The following REXO1 variants were observed in gnomAD, a reference collection of about 807,000 sequenced individuals.
REXO1 encodes REX1, RNA exonuclease 1 homolog.
REXO1 carries 42 observed loss-of-function variants against 102.6 expected under a neutral mutation model. The observed-to-expected ratio is 0.41, with a 90% CI of 0.32 to 0.53. REXO1 has a LOEUF of 0.53. Among genes scored for constraint, REXO1 ranks in the 20% least tolerant of loss-of-function variants. The pLI is 0.27. For missense variants in REXO1, 1,819 were observed against 1,732.5 expected, an observed-to-expected ratio of 1.05 and a Z score of -0.89; for synonymous variants, 908 against 779.1, an observed-to-expected ratio of 1.17 and a Z score of -2.76.
rs544889589 is a variant in REXO1, at chr19:1,816,808, G to A, written c.3207C>T (p.Tyr1069=). 573 of 1,611,568 alleles carry A rather than the reference G, an allele frequency of 3.6e-4. 7 individuals are homozygous for A. In the South Asian group the frequency reaches 5.9e-3, roughly 17 times the overall value. The stretch of plus-strand genomic sequence containing the variant: ...GCGTCAGCTCCAGGCCATATGTGGT[G>A]TAGGACTGCGGGCAAGGGATGCACC... The part of the protein sequence containing the change: ...GIYALDCEMS[Y]TTYGLELTRV... Residue 1069 remains tyrosine, a synonymous_variant, in exon 13 of 16, where the codon TAC becomes TAT. Coordinates refer to ENST00000170168, the MANE Select transcript of REXO1 (RefSeq NM_020695.4).
chr19:1,834,372 C>T (rs1402619612), intron 1 of REXO1, among the ~76,000 whole-genome samples: 1 of 152,122 alleles, frequency 6.6e-6, no homozygotes, highest in South Asian at 2.1e-4. Flanking sequence ...TGATAAGGGT[C>T]CAATCTGGGG....
At chr19:1,821,046 CAAAA>C (rs1408492763) in intron 5 of REXO1, among the ~76,000 whole-genome samples, 1 of 147,580 alleles carries the variant, frequency 6.8e-6, no homozygotes, top group African/African-American at 2.5e-5. Flanking sequence ...CAAGACAAAA[CAAAA>C]AAACACCGCC....
Position 1,815,960 on chromosome 19 carries a change from C to G in REXO1, c.*106G>C. 6.5e-7 allele frequency: 1 copy of G among 1,535,376 alleles called. No individual in the cohort carries two copies. Among genetic ancestry groups the G allele is most frequent in the Non-Finnish European group, 8.7e-7 (1 of 1,146,604 alleles). On this transcript the variant is annotated 3_prime_UTR_variant, in exon 16 of 16. Transcript: ENST00000170168. The surrounding 1 kb of genome is among the most constrained non-coding windows in gnomAD (Gnocchi z 4.0). ...CTCATCCCGCTGCTCTGGGCTGCCT[C>G]GGCCAGGTGGACGGGTTACCGGAGA...
rs112933999 is a variant in REXO1 at position 1,825,481 on chromosome 19, A to ACTTC, written c.2016+357_2016+358insGAAG. ...CAAAGCAAGACCCCCTTTTTTTATA[A>ACTTC]TTTTTTTTTTTTGAGACAGAGTCTT... On this transcript the variant is annotated intron_variant, in intron 3 of 15. Coordinates refer to ENST00000170168, the MANE Select transcript of REXO1 (RefSeq NM_020695.4). Among the ~76,000 whole-genome samples the ACTTC allele has an allele frequency of 9.1e-3, 1,329 of 145,534 alleles. 21 individuals carry two copies. The highest frequency in any genetic ancestry group is 0.031 in the African/African-American group (1,227 of 39,586).
At position 1,827,097 on chromosome 19, in the gene REXO1, C is replaced by A. The variant is rs1207509383; in HGVS notation, c.1692G>T (p.Gln564His). ...SDSSLGFPEAQGPPKRLKASP... is the reference protein window; with the variant it reads ...SDSSLGFPEAHGPPKRLKASP... ...AGGCCTTGAGCCGCTTGGGCGGCCC[C>A]TGCGCCTCCGGGAAGCCCAGGCTGG... is the stretch of plus-strand genomic sequence containing the variant. The change falls in exon 2 of 16, where the codon CAG becomes CAT. Residue 564 changes from glutamine to histidine, a missense_variant. Gln to His is a conservative substitution (Grantham distance 24, BLOSUM62 0). Transcript: ENST00000170168. The A allele has an allele frequency of 6.5e-7, 1 of 1,541,606 alleles. No homozygotes were observed. Among genetic ancestry groups the A allele is most frequent in the South Asian group, 1.2e-5 (1 of 83,896 alleles).
chr19:1,821,490 G>A (rs199815512), intron 5 of REXO1, 29 bp downstream of exon 5: 76 of 1,612,624 alleles, frequency 4.7e-5, no homozygotes, highest in Middle Eastern at 1.7e-4. Flanking sequence ...CTTGGGGGTG[G>A]TGGTCCTGGC....
chr19:1,827,513 T>C lies in REXO1; in HGVS notation c.1276A>G (p.Lys426Glu), dbSNP rs1394478322. The C allele has an allele frequency of 3.2e-6, 5 of 1,582,646 alleles. No individual in the cohort carries two copies. The highest frequency in any genetic ancestry group is 3.4e-6 in the Non-Finnish European group (4 of 1,173,570). Residue 426 changes from lysine (K) to glutamate (E), a missense_variant, in exon 2 of 16, where the codon AAG becomes GAG. By Grantham distance (56) the Lys-to-Glu change is moderately conservative (BLOSUM62 1). Coordinates refer to ENST00000170168, the MANE Select transcript of REXO1 (RefSeq NM_020695.4). ...KGPQASSPRR[K>E]AERPEGTKKK... Reference sequence around the variant, plus strand: ...TTGGTCCCTTCCGGCCGCTCTGCCTTGCGCCGGGGGCTGCTGGCCTGCGGG... The same window carrying C: ...TTGGTCCCTTCCGGCCGCTCTGCCTCGCGCCGGGGGCTGCTGGCCTGCGGG...
intron 13 of REXO1, 43 bp downstream of exon 13, chr19:1,816,655 G>A (rs1411848173): frequency 5.0e-6 from 8 of 1,603,366 alleles, no homozygotes; most frequent in Non-Finnish European, 6.8e-6. Context: ...CTGGGGAGAG[G>A]CGGCTGGGAG....
At position 1,828,069 on chromosome 19, in the gene REXO1, G is replaced by A. The variant is rs1161529749; in HGVS notation, c.720C>T (p.Tyr240=). The stretch of plus-strand genomic sequence containing the variant: ...TGGCCCTGCTGAGGTGCCGGGCCGA[G>A]TAGTTGGAGAGAGGGTCATACTCCA... ...TDLEYDPLSN[Y]SARHLSRASS... The change falls in exon 2 of 16, where the codon TAC becomes TAT. Residue 240 remains tyrosine, a synonymous_variant. Transcript: ENST00000170168. The A allele has an allele frequency of 6.2e-7, 1 of 1,613,270 alleles. No homozygotes were observed. Among genetic ancestry groups the A allele is most frequent in the South Asian group, 1.1e-5 (1 of 91,000 alleles).
At chr19:1,842,547 C>T (rs932880876) in intron 1 of REXO1, among the ~76,000 whole-genome samples, 7 of 152,274 alleles carry the variant, frequency 4.6e-5, no homozygotes, top group South Asian at 2.1e-4. Flanking sequence ...GCACGGCCCA[C>T]GCCTGGAGGC....
At chr19:1,820,943 G>A (rs1277140777) in intron 5 of REXO1, among the ~76,000 whole-genome samples, 1 of 151,418 alleles carries the variant, frequency 6.6e-6, no homozygotes, top group Non-Finnish European at 1.5e-5. Context: ...AGGTTGCAGT[G>A]AGCCATGATT....
At chr19:1,817,839 G>C in intron 10 of REXO1, 59 bp from the exon 11 acceptor site, 1 of 1,408,340 alleles carries the variant, frequency 7.1e-7, no homozygotes, top group South Asian at 1.2e-5. Context: ...CAGCCCCCGG[G>C]GCACTGACCA....
intron 11 of REXO1, 169 bp from the exon 12 acceptor site, chr19:1,817,498 CAG>C (rs1179430094): frequency 6.8e-7 from 1 of 1,468,528 alleles, no homozygotes; most frequent in Non-Finnish European, 9.0e-7. Flanking sequence ...CAAGAAGACA[CAG>C]GGAGGACGGC....
chr19:1,828,280 A>G lies in REXO1; in HGVS notation c.509T>C (p.Leu170Pro), dbSNP rs2069802293. ...SPDAGYQPTP[L>P]AAPAEPGSKY... The stretch of plus-strand genomic sequence containing the variant: ...GCTGCCCGGCTCGGCAGGGGCGGCC[A>G]GTGGGGTGGGCTGGTAGCCGGCATC... Residue 170 changes from leucine to proline, a missense_variant, in exon 2 of 16, where the codon CTG becomes CCG. Coordinates refer to ENST00000170168, the MANE Select transcript of REXO1 (RefSeq NM_020695.4). 1.2e-6 allele frequency: 2 copies of G among 1,606,410 alleles called. No individual in the cohort carries two copies. Among genetic ancestry groups the G allele is most frequent in the Non-Finnish European group, 1.7e-6 (2 of 1,176,484 alleles).
chr19:1,835,298 C>A (rs2070008595), intron 1 of REXO1, among the ~76,000 whole-genome samples: 1 of 152,134 alleles, frequency 6.6e-6, no homozygotes, highest in Non-Finnish European at 1.5e-5. Flanking sequence ...AATGCTAGCA[C>A]TTTGGGAGGC....
intron 1 of REXO1, 136 bp downstream of exon 1, chr19:1,848,066 C>T (rs923002675): frequency 7.1e-5 from 30 of 420,144 alleles, no homozygotes; most frequent in Non-Finnish European, 1.1e-4. Context: ...GTTCCGGTCC[C>T]GACTGGGAAA....
chr19:1,837,598 A>C (rs2070077000), intron 1 of REXO1, among the ~76,000 whole-genome samples: 1 of 151,988 alleles, frequency 6.6e-6, no homozygotes, highest in Non-Finnish European at 1.5e-5. Context: ...CCCACCCCCC[A>C]CACCAGACTC....
Position 1,823,674 on chromosome 19 carries a change from G to A in REXO1, c.2128C>T (p.Gln710Ter). The A allele has an allele frequency of 3.9e-6, 5 of 1,292,608 alleles. No homozygotes were observed. Among genetic ancestry groups the A allele is most frequent in the Non-Finnish European group, 4.9e-6 (5 of 1,012,180 alleles). The allele number at this position is 1,292,608 out of a possible 1,614,324, so 80.1% of individuals were successfully genotyped here. A position where few individuals can be genotyped will look rare whatever the true frequency, so the allele number is the denominator to read the frequency against. ...QAQRASASLL[Q>*]APARLAEKSP... ...TTCTCTGCCAGCCTGGCGGGGGCCT[G>A]CAGCAAGCTCGCCGATGCCCTCTGC... Residue 710 changes from glutamine (Q) to a stop codon, truncating the protein, a stop_gained, in exon 4 of 16, where the codon CAG becomes TAG. Coordinates refer to ENST00000170168, the MANE Select transcript of REXO1 (RefSeq NM_020695.4). LOFTEE classifies it high-confidence loss of function.
Position 1,818,538 on chromosome 19 carries a change from C to G in REXO1, c.2960G>C (p.Arg987Pro), listed in dbSNP as rs748224350. Residue 987 changes from arginine (R) to proline (P), a missense_variant, in exon 10 of 16, where the codon CGC becomes CCC. Physicochemically the swap from Arg to Pro is moderately radical, Grantham distance 103. Transcript: ENST00000170168. ...GTEYLVSSSG[R>P]CIRDEECYYH... is the part of the protein sequence containing the mutation. Reference sequence around the variant, plus strand: ...ATAACACTCCTCGTCCCGGATGCAGCGGCCTGAAGAGGACACGAGGTACTC... The same window carrying G: ...ATAACACTCCTCGTCCCGGATGCAGGGGCCTGAAGAGGACACGAGGTACTC... 6.2e-7 allele frequency: 1 copy of G among 1,611,958 alleles called. No homozygotes were observed. Among genetic ancestry groups the G allele is most frequent in the Non-Finnish European group, 8.5e-7 (1 of 1,179,650 alleles).
Sources: gnomAD v4.1 joint callset for allele counts (sites outside exome capture counted in the v4.1 genomes callset) on GRCh38, gnomAD v4.1.1 for gene constraint, Gnocchi (gnomAD v3.1) non-coding constraint, MANE v1.5 for transcripts, NCBI Gene and HGNC (gene_info 2026-07-23, HGNC 2026-07-21) for gene names.